The following HSPA4L variants were observed in gnomAD, a reference collection of about 807,000 sequenced individuals.
HSPA4L encodes heat shock 70 kDa protein 4L.
HSPA4L carries 48 observed loss-of-function variants against 100.3 expected under a neutral mutation model. That is an observed-to-expected ratio of 0.48 (90% CI 0.38 to 0.61). HSPA4L has a LOEUF of 0.61. Ranked by LOEUF, HSPA4L falls within the 20% of genes least tolerant of loss-of-function variation. HSPA4L has a pLI of 0.00. For missense variants in HSPA4L, 886 were observed against 988.6 expected, an observed-to-expected ratio of 0.90 and a Z score of 1.39; for synonymous variants, 319 against 328.2, an observed-to-expected ratio of 0.97 and a Z score of 0.30.
chr4:127,800,414 G>T (rs2148783340), intron 4 of HSPA4L, among the ~76,000 whole-genome samples: 1 of 152,224 alleles, frequency 6.6e-6, no homozygotes, highest in African/African-American at 2.4e-5. Flanking sequence ...GCTGCAGTGA[G>T]CTATGATTGT....
chr4:127,807,763 C>A (rs1733403200), intron 10 of HSPA4L, among the ~76,000 whole-genome samples: 1 of 152,018 alleles, frequency 6.6e-6, no homozygotes, highest in African/African-American at 2.4e-5. Flanking sequence ...GGTAATTTTT[C>A]TCTTTTTAAT....
chr4:127,813,406 C>G (rs983433927), intron 12 of HSPA4L: 1 of 471,202 alleles, frequency 2.1e-6, no homozygotes, highest in East Asian at 3.4e-5. Flanking sequence ...TCAATCTTTC[C>G]ATGTATCATT....
chr4:127,835,199 AAC>A lies in HSPA4L; in HGVS notation c.*2327_*2328del, dbSNP rs2148803883. The A allele has an allele frequency of 6.6e-6, 1 of 151,470 alleles. No homozygotes were observed. The highest frequency in any genetic ancestry group is 2.1e-4 in the South Asian group (1 of 4,822). The allele number at this position is 151,470 out of a possible 1,614,324, so 9.4% of individuals were successfully genotyped here. A position where few individuals can be genotyped will look rare whatever the true frequency, so the allele number is the denominator to read the frequency against. On this transcript the variant is annotated 3_prime_UTR_variant, in exon 19 of 19. Transcript: ENST00000296464. ...AATTATTTTAAAAGATGCATAGTAA[AAC>A]AGTGTTTTCCTATGGTAAGCAAATA... is the stretch of plus-strand genomic sequence containing the variant.
intron 16 of HSPA4L, among the ~76,000 whole-genome samples, chr4:127,825,385 T>G (rs983027401): frequency 1.2e-4 from 19 of 152,016 alleles, no homozygotes; most frequent in African/African-American, 4.3e-4. Flanking sequence ...AATGATGACA[T>G]TAACAAGGAT....
Position 127,782,471 on chromosome 4 carries a change from C to A in HSPA4L, c.-80C>A. 8.4e-7 allele frequency: 1 copy of A among 1,188,666 alleles called. No individual in the cohort carries two copies. Among genetic ancestry groups the A allele is most frequent in the Non-Finnish European group, 1.2e-6 (1 of 803,176 alleles). 73.6% of individuals were successfully genotyped at this position (1,188,666 alleles called of 1,614,324 possible). On this transcript the variant is annotated 5_prime_UTR_variant, in exon 1 of 19. Transcript: ENST00000296464. Reference sequence around the variant, plus strand: ...TTTGCTTCTGGTAGGAGTCGCAATCCCAGCAGCAATAGCCCAGAAGAGGAC... The same window carrying A: ...TTTGCTTCTGGTAGGAGTCGCAATCACAGCAGCAATAGCCCAGAAGAGGAC...
At position 127,798,789 on chromosome 4, in the gene HSPA4L, C is replaced by T. The variant is rs1733094900; in HGVS notation, c.429+80C>T. 3.7e-6 allele frequency: 5 copies of T among 1,352,334 alleles called. No homozygotes were observed. In the South Asian group the frequency reaches 5.6e-5, roughly 15 times the overall value. 83.8% of individuals were successfully genotyped at this position (1,352,334 alleles called of 1,614,324 possible). Reference sequence around the variant, plus strand: ...TGTAATATTGAAAGATTTTTCTTCCCTTACACTTTCTGCCCTTATCCAGTA... The same window carrying T: ...TGTAATATTGAAAGATTTTTCTTCCTTTACACTTTCTGCCCTTATCCAGTA... On this transcript the variant is annotated intron_variant, in intron 4 of 18. Transcript: ENST00000296464.
At chr4:127,828,127 A>G (rs1189080478) in intron 17 of HSPA4L, among the ~76,000 whole-genome samples, 1 of 152,140 alleles carries the variant, frequency 6.6e-6, no homozygotes, top group African/African-American at 2.4e-5. Flanking sequence ...CAAAAGTACC[A>G]TAGACAATAC....
intron 14 of HSPA4L, among the ~76,000 whole-genome samples, chr4:127,821,383 T>G (rs1733809786): frequency 6.6e-6 from 1 of 152,194 alleles, no homozygotes; most frequent in Non-Finnish European, 1.5e-5. Flanking sequence ...TCTCATTATT[T>G]TCACTTCACA....
At chr4:127,816,270 C>T (rs534634692) in intron 12 of HSPA4L, among the ~76,000 whole-genome samples, 55 of 152,094 alleles carry the variant, frequency 3.6e-4, no homozygotes, top group Non-Finnish European at 6.9e-4. Flanking sequence ...TCTAGAGGCA[C>T]TTCCATTAAT....
chr4:127,801,161 C>T lies in HSPA4L; in HGVS notation c.453C>T (p.Ala151=), dbSNP rs774670895. ...AGATTCCTAGCTTTTTTACTGATGC[C>T]GAGAGAAGATCTGTGATGGCTGCAG... The part of the protein sequence containing the change: ...VISIPSFFTD[A]ERRSVMAAAQ... The change falls in exon 5 of 19, where the codon GCC becomes GCT. Residue 151 remains alanine, a synonymous_variant. Coordinates refer to ENST00000296464, the MANE Select transcript of HSPA4L (RefSeq NM_014278.4). The T allele has an allele frequency of 2.3e-5, 37 of 1,611,262 alleles. No homozygotes were observed. Among genetic ancestry groups the T allele is most frequent in the South Asian group, 1.2e-4 (11 of 90,770 alleles).
chr4:127,793,700 T>G lies in HSPA4L; in HGVS notation c.108-377T>G, dbSNP rs540383668. Reference sequence around the variant, plus strand: ...GAAGCTGAAGCACCCAGTGGTTATGTAATTTCCACAAGGTTAAGTGGCAAA... The same window carrying G: ...GAAGCTGAAGCACCCAGTGGTTATGGAATTTCCACAAGGTTAAGTGGCAAA... On this transcript the variant is annotated intron_variant, in intron 1 of 18. Transcript: ENST00000296464. Among the ~76,000 whole-genome samples, 3 of 152,352 alleles carry G rather than the reference T, an allele frequency of 2.0e-5. No individual in the cohort carries two copies. In the South Asian group the frequency reaches 6.2e-4, roughly 32 times the overall value.
chr4:127,821,710 AC>A (rs955666201), intron 14 of HSPA4L, among the ~76,000 whole-genome samples: 1 of 151,694 alleles, frequency 6.6e-6, no homozygotes, highest in Admixed American at 6.6e-5. Context: ...TACCATATCC[AC>A]CCCCGCAAGG....
intron 1 of HSPA4L, among the ~76,000 whole-genome samples, chr4:127,784,201 A>G (rs1332948940): frequency 6.6e-6 from 1 of 152,266 alleles, no homozygotes; most frequent in Admixed American, 6.5e-5. Context: ...CTTTGGCTTC[A>G]TTGACTCTCA....
rs549056651 is a variant in HSPA4L at position 127,788,576 on chromosome 4, A to C, written c.108-5501A>C. Among the ~76,000 whole-genome samples, 72 of 152,324 alleles carry C rather than the reference A, an allele frequency of 4.7e-4. No homozygotes were observed. The South Asian group carries it at 7.9e-3, about 17-fold the overall frequency. ...CCAAGCTTATTTGAACGTCTGAGGA[A>C]TTATGTTTCATAGAACACTATTTGG... On this transcript the variant is annotated intron_variant, in intron 1 of 18. Coordinates refer to ENST00000296464, the MANE Select transcript of HSPA4L (RefSeq NM_014278.4).
At chr4:127,794,041 G>A in intron 1 of HSPA4L, 36 bp from the exon 2 acceptor site, 5 of 1,491,554 alleles carry the variant, frequency 3.4e-6, no homozygotes, top group Non-Finnish European at 3.7e-6. Flanking sequence ...TAATATAAAA[G>A]TACCATGGAA....
At chr4:127,807,380 AG>A (rs1180068479) in intron 10 of HSPA4L, among the ~76,000 whole-genome samples, 2 of 152,054 alleles carry the variant, frequency 1.3e-5, no homozygotes, top group Admixed American at 6.5e-5. Context: ...AAATATGAAT[AG>A]GTAAAGCATC....
At chr4:127,799,941 T>C (rs1346314685) in intron 4 of HSPA4L, among the ~76,000 whole-genome samples, 1 of 152,234 alleles carries the variant, frequency 6.6e-6, no homozygotes, top group Non-Finnish European at 1.5e-5. Flanking sequence ...GTTGCTAATC[T>C]GTTCAATGAA....
At chr4:127,788,949 A>AT (rs1367990750) in intron 1 of HSPA4L, among the ~76,000 whole-genome samples, 1 of 152,210 alleles carries the variant, frequency 6.6e-6, no homozygotes, top group Non-Finnish European at 1.5e-5. Context: ...AGTAATTGTG[A>AT]TTTTATGGAA....
chr4:127,804,236 C>A, intron 8 of HSPA4L, 149 bp downstream of exon 8: 1 of 632,330 alleles, frequency 1.6e-6, no homozygotes, highest in South Asian at 2.1e-5. Context: ...ACTCATTATT[C>A]ATAAGAGTAA....
Sources: allele counts gnomAD v4.1 joint callset (sites outside exome capture counted in the v4.1 genomes callset), GRCh38; gene constraint gnomAD v4.1.1; transcripts MANE v1.5; gene names NCBI Gene and HGNC (gene_info 2026-07-23, HGNC 2026-07-21).